CACNB4: variants seen among roughly 807,000 people sequenced by gnomAD.
CACNB4 encodes voltage-dependent L-type calcium channel subunit beta-4.
In CACNB4, 32 loss-of-function variants were observed where a neutral mutation model predicts 71.2. The ratio of observed to expected loss-of-function variants is 0.45; its 90% CI spans 0.34 to 0.60. CACNB4 has a LOEUF of 0.60. Among genes scored for constraint, CACNB4 ranks in the 20% least tolerant of loss-of-function variants. CACNB4 has a pLI of 0.01. For missense variants in CACNB4, 464 were observed against 647.9 expected (o/e 0.72, Z 3.08); for synonymous variants, 231 against 236.9 (o/e 0.97, Z 0.23).
intron 2 of CACNB4, among the ~76,000 whole-genome samples, chr2:151,918,357 A>C (rs1395054821): frequency 1.3e-5 from 2 of 152,248 alleles, no homozygotes; most frequent in African/African-American, 2.4e-5. Flanking sequence ...AATTGCTTAC[A>C]ATCAGGTAAA....
intron 5 of CACNB4, chr2:151,874,969 G>C: frequency 2.5e-6 from 1 of 399,050 alleles, no homozygotes; most frequent in East Asian, 3.6e-5. Context: ...GCCACAAAAA[G>C]CCTGGGGTGG....
At chr2:152,003,441 A>G (rs1275341579) in intron 2 of CACNB4, among the ~76,000 whole-genome samples, 5 of 151,252 alleles carry the variant, frequency 3.3e-5, no homozygotes, top group Non-Finnish European at 7.4e-5. Flanking sequence ...CCAAGATTCC[A>G]TCTAAAAAAA....
At chr2:151,860,570 C>T (rs2151375881) in intron 10 of CACNB4, 141 bp downstream of exon 10, 1 of 679,158 alleles carries the variant, frequency 1.5e-6, no homozygotes, top group East Asian at 2.7e-5. Flanking sequence ...CCTTCTTGTC[C>T]ATAGCTAGCA....
At chr2:151,909,594 G>C (rs1042043284) in intron 2 of CACNB4, among the ~76,000 whole-genome samples, 2 of 151,770 alleles carry the variant, frequency 1.3e-5, no homozygotes, top group African/African-American at 4.8e-5. Context: ...AGCAGGCCCT[G>C]TGTGTGTTGT....
chr2:152,042,254 A>C (rs947097011), intron 2 of CACNB4, among the ~76,000 whole-genome samples: 1 of 152,186 alleles, frequency 6.6e-6, no homozygotes, highest in African/African-American at 2.4e-5. Context: ...CAAGGCCTCA[A>C]ACAGCATCTT....
At chr2:151,879,510 T>C (rs564577175) in intron 4 of CACNB4, 2 of 152,024 alleles carry the variant, frequency 1.3e-5, no homozygotes, top group African/African-American at 2.4e-5. Flanking sequence ...TTCTAAGTGA[T>C]GGATGAGAGG....
Position 151,859,105 on chromosome 2 carries a change from C to T in CACNB4, c.868+1606G>A, listed in dbSNP as rs183800573. ...CATTAACAAGCACACAAATGGATCA[C>T]ATTGTGGTTATTATAAAATTAATAG... On this transcript the variant is annotated intron_variant, in intron 10 of 13. Transcript: ENST00000539935. 2.0e-5 allele frequency: 3 copies of T among 152,294 alleles called. No individual in the cohort carries two copies. The East Asian group carries it at 5.8e-4, about 29-fold the overall frequency. The allele number at this position is 152,294 out of a possible 1,614,324, so 9.4% of individuals were successfully genotyped here.
Position 151,929,234 on chromosome 2 carries a change from CA to C in CACNB4, c.148-45865del, listed in dbSNP as rs397728952. Among the ~76,000 whole-genome samples, 232 of 142,152 alleles carry C rather than the reference CA, an allele frequency of 1.6e-3. 2 individuals are homozygous for C. The highest frequency in any genetic ancestry group is 3.6e-3 in the Middle Eastern group (1 of 276). 93.3% of individuals were successfully genotyped at this position (142,152 alleles called of 152,430 possible). On this transcript the variant is annotated intron_variant, in intron 2 of 13. Transcript: ENST00000539935. ...GATGAGGAAAAGTATCTGTAACTTC[CA>C]AAAAAAAAAAATCACTGATATGAGT...
At chr2:151,893,061 G>A (rs982292209) in intron 2 of CACNB4, among the ~76,000 whole-genome samples, 1 of 152,090 alleles carries the variant, frequency 6.6e-6, no homozygotes, top group South Asian at 2.1e-4. Context: ...AACTACAAAA[G>A]TTAAACATGT....
Position 152,073,762 on chromosome 2 carries a change from A to G in CACNB4, c.147+24568T>C, listed in dbSNP as rs981139303. ...TTCTCCACTGCCAGCTGTGTTCTCC[A>G]AGAGCAGGGCTCTCAGAACTTGGAG... On this transcript the variant is annotated intron_variant, in intron 2 of 13. Coordinates refer to ENST00000539935, the MANE Select transcript of CACNB4 (RefSeq NM_000726.5). Among the ~76,000 whole-genome samples, 3 of 152,240 alleles carry G rather than the reference A, an allele frequency of 2.0e-5. No individual in the cohort carries two copies. The East Asian group carries it at 5.8e-4, about 29-fold the overall frequency.
chr2:151,941,716 G>A (rs1388579220), intron 2 of CACNB4, among the ~76,000 whole-genome samples: 1 of 152,144 alleles, frequency 6.6e-6, no homozygotes, highest in African/African-American at 2.4e-5. Context: ...TACCAAGTGT[G>A]CATTTCATCC....
intron 3 of CACNB4, among the ~76,000 whole-genome samples, chr2:151,882,159 G>A (rs1197671077): frequency 4.2e-5 from 6 of 142,224 alleles, no homozygotes; most frequent in Admixed American, 1.4e-4. Context: ...GATTACAGGC[G>A]TAAGCCACTG....
At chr2:152,012,099 A>T (rs1579124794) in intron 2 of CACNB4, among the ~76,000 whole-genome samples, 1 of 852 alleles carries the variant, frequency 1.2e-3, no homozygotes, top group African/African-American at 1.3e-3. Flanking sequence ...TCTATTTATT[A>T]AAAAAAAAAA....
chr2:151,843,697 AC>A (rs1170813774), intron 12 of CACNB4, among the ~76,000 whole-genome samples: 1 of 152,102 alleles, frequency 6.6e-6, no homozygotes, highest in African/African-American at 2.4e-5. Flanking sequence ...CAAAATAAGA[AC>A]CTCCCAGGAA....
chr2:151,849,829 T>C (rs1056087194), intron 12 of CACNB4, among the ~76,000 whole-genome samples: 8 of 152,144 alleles, frequency 5.3e-5, no homozygotes, highest in African/African-American at 9.7e-5. Flanking sequence ...TGCAGAGTAA[T>C]AGATAACCAT....
intron 2 of CACNB4, among the ~76,000 whole-genome samples, chr2:151,911,631 G>A (rs2099856192): frequency 6.6e-6 from 1 of 152,146 alleles, no homozygotes; most frequent in Non-Finnish European, 1.5e-5. Flanking sequence ...TTGGCCTGAA[G>A]TCTTCTTTTT....
At chr2:151,959,665 G>A (rs754322410) in intron 2 of CACNB4, among the ~76,000 whole-genome samples, 19 of 151,920 alleles carry the variant, frequency 1.3e-4, no homozygotes, top group Non-Finnish European at 2.6e-4. Context: ...ATTTGTATCC[G>A]ACTCTTTTTT....
At chr2:152,048,005 C>T (rs189382781) in intron 2 of CACNB4, among the ~76,000 whole-genome samples, 16 of 152,352 alleles carry the variant, frequency 1.1e-4, no homozygotes, top group Admixed American at 9.8e-4. Flanking sequence ...CTGCCACAAA[C>T]GCCTAACTTT....
intron 2 of CACNB4, among the ~76,000 whole-genome samples, chr2:152,067,176 G>A (rs1276464056): frequency 1.3e-5 from 2 of 151,890 alleles, no homozygotes; most frequent in African/African-American, 4.8e-5. Context: ...AAAAAAAGAA[G>A]TGCAGGGGAG....
Sources: allele counts gnomAD v4.1 joint callset (sites outside exome capture counted in the v4.1 genomes callset), GRCh38; gene constraint gnomAD v4.1.1; transcripts MANE v1.5; gene names NCBI Gene and HGNC (gene_info 2026-07-23, HGNC 2026-07-21).